DOCK10: variants seen among roughly 807,000 people sequenced by gnomAD.
DOCK10 encodes dedicator of cytokinesis 10.
A neutral mutation model predicts 280.1 loss-of-function variants in DOCK10; 145 were observed. The observed-to-expected ratio is 0.52, with a 90% CI of 0.45 to 0.59. DOCK10 has a LOEUF of 0.59. Ranked by LOEUF, DOCK10 falls within the 20% of genes least tolerant of loss-of-function variation. DOCK10 has a pLI of 0.00. For synonymous variants in DOCK10, 915 were observed against 942.2 expected (o/e 0.97, Z 0.53); for missense variants, 2,368 against 2,651.7 (o/e 0.89, Z 2.35).
chr2:224,870,945 G>C (rs1029018704), intron 11 of DOCK10, among the ~76,000 whole-genome samples: 1 of 148,200 alleles, frequency 6.7e-6, no homozygotes, highest in African/African-American at 2.5e-5. Flanking sequence ...TTCTGCCTCA[G>C]CCTCCTAAGT....
At chr2:224,903,349 A>G (rs1700418931) in intron 3 of DOCK10, among the ~76,000 whole-genome samples, 1 of 152,238 alleles carries the variant, frequency 6.6e-6, no homozygotes, top group Non-Finnish European at 1.5e-5. Flanking sequence ...ATATAATGTC[A>G]TATCAAGGGC....
At chr2:224,846,767 T>C (rs1363788452) in intron 19 of DOCK10, among the ~76,000 whole-genome samples, 2 of 152,172 alleles carry the variant, frequency 1.3e-5, no homozygotes, top group African/African-American at 4.8e-5. Flanking sequence ...AGTGCTGGGA[T>C]TACAGGCATG....
At chr2:224,895,841 G>GTATATATATATA (rs71410338) in intron 4 of DOCK10, among the ~76,000 whole-genome samples, 7 of 136,170 alleles carry the variant, frequency 5.1e-5, no homozygotes, top group African/African-American at 1.9e-4. Flanking sequence ...GCGTGTGTGT[G>GTATATATATATA]TATATATATA....
In DOCK10 at chr2:224,811,692, C is replaced by G. The variant is rs1408736593; in HGVS notation, c.3409+2628G>C. Among the ~76,000 whole-genome samples, 5 of 152,224 alleles carry G rather than the reference C, an allele frequency of 3.3e-5. No homozygotes were observed. The East Asian group carries it at 9.7e-4, about 30-fold the overall frequency. Reference sequence around the variant, plus strand: ...GTGTAAGGAAGGGATCCAGTTTCAGCTTTCTATATATGGCTAGCCAGTTTT... The same window carrying G: ...GTGTAAGGAAGGGATCCAGTTTCAGGTTTCTATATATGGCTAGCCAGTTTT... On this transcript the variant is annotated intron_variant, in intron 31 of 55. Transcript: ENST00000258390.
At chr2:224,905,409 G>A (rs1422965462) in intron 3 of DOCK10, among the ~76,000 whole-genome samples, 4 of 151,804 alleles carry the variant, frequency 2.6e-5, no homozygotes, top group East Asian at 1.9e-4. Flanking sequence ...CACCGCGCCC[G>A]GCTAATTTTT....
rs1705042550 is a variant in DOCK10, at chr2:224,970,868, T to C, written c.124-39200A>G. Among the ~76,000 whole-genome samples the C allele has an allele frequency of 6.6e-6, 1 of 152,240 alleles. No homozygotes were observed. The highest frequency in any genetic ancestry group is 2.4e-5 in the African/African-American group (1 of 41,468). ...GATTTGCTATGCTATTGACATTACT[T>C]TGTATTTTGTAGCTAGCATCTATGT... On this transcript the variant is annotated intron_variant, in intron 1 of 55. Transcript: ENST00000258390. The surrounding 1 kb of genome is among the most constrained non-coding windows in gnomAD (Gnocchi z 4.6).
At chr2:224,975,137 A>G (rs1209772053) in intron 1 of DOCK10, among the ~76,000 whole-genome samples, 1 of 152,078 alleles carries the variant, frequency 6.6e-6, no homozygotes, top group African/African-American at 2.4e-5. Flanking sequence ...TTATCTGAAC[A>G]AGATGATACA....
Position 224,765,597 on chromosome 2 carries a change from C to A in DOCK10, c.*124G>T, listed in dbSNP as rs147754208. 1.6e-6 allele frequency: 1 copy of A among 637,966 alleles called. No homozygotes were observed. The highest frequency in any genetic ancestry group is 3.1e-5 in the East Asian group (1 of 32,526). 39.5% of individuals were successfully genotyped at this position (637,966 alleles called of 1,614,324 possible). On this transcript the variant is annotated 3_prime_UTR_variant, in exon 56 of 56. Coordinates refer to ENST00000258390, the MANE Select transcript of DOCK10 (RefSeq NM_014689.3). ...GAGGTTGGCAAAATTCTGAAGCTAG[C>A]GAGGTAAACAAAAATATTAACACCA...
chr2:224,984,383 C>A (rs1559925872), intron 1 of DOCK10, among the ~76,000 whole-genome samples: 1 of 152,238 alleles, frequency 6.6e-6, no homozygotes, highest in South Asian at 2.1e-4. Flanking sequence ...GATGTTTTGG[C>A]AGATGCCAAA....
intron 1 of DOCK10, among the ~76,000 whole-genome samples, chr2:224,950,113 T>G (rs1163933826): frequency 6.6e-6 from 1 of 152,208 alleles, no homozygotes; most frequent in Non-Finnish European, 1.5e-5. Flanking sequence ...ACAATAGTGC[T>G]TTAGAAAGAT....
chr2:224,797,948 A>G lies in DOCK10; in HGVS notation c.4528T>C (p.Cys1510Arg), dbSNP rs775995155. Residue 1510 changes from cysteine (C) to arginine (R), a missense_variant, in exon 42 of 56, where the codon TGT (cysteine) becomes CGT (arginine). Physicochemically the swap from Cys to Arg is radical, Grantham distance 180. This residue lies in a region of DOCK10 where 1,159 missense variants were observed against 1,400.8 expected (regional missense o/e 0.83). Coordinates refer to ENST00000258390, the MANE Select transcript of DOCK10 (RefSeq NM_014689.3). Reference sequence around the variant, plus strand: ...ACCCTTTTCATCAATGAATTTTGACAGTCACATTGTTGGAGTTGTCTCTGG... The same window carrying G: ...ACCCTTTTCATCAATGAATTTTGACGGTCACATTGTTGGAGTTGTCTCTGG... ...THQRQLQQCD[C>R]QNSLMKRVFD... 3 of 1,613,562 alleles carry G rather than the reference A, an allele frequency of 1.9e-6. No individual in the cohort carries two copies. In the East Asian group the frequency reaches 6.7e-5, roughly 36 times the overall value.
intron 1 of DOCK10, among the ~76,000 whole-genome samples, chr2:224,941,705 G>A (rs1013520973): frequency 5.3e-5 from 8 of 151,932 alleles, no homozygotes; most frequent in African/African-American, 1.2e-4. Flanking sequence ...TTAGCCAGGC[G>A]TGGTGGCATG....
At chr2:224,822,968 C>A (rs190220380) in intron 28 of DOCK10, among the ~76,000 whole-genome samples, 1 of 151,350 alleles carries the variant, frequency 6.6e-6, no homozygotes, top group Admixed American at 6.6e-5. Flanking sequence ...TTTTCTCTAA[C>A]CTTAGTTTTT....
chr2:224,875,003 A>C (rs1231370593), intron 8 of DOCK10, among the ~76,000 whole-genome samples: 1 of 152,292 alleles, frequency 6.6e-6, no homozygotes, highest in East Asian at 1.9e-4. Flanking sequence ...TTGGATTTTT[A>C]CACTACATTT....
At chr2:224,774,184 G>C (rs1690660073) in intron 52 of DOCK10, among the ~76,000 whole-genome samples, 1 of 152,118 alleles carries the variant, frequency 6.6e-6, no homozygotes, top group South Asian at 2.1e-4. Flanking sequence ...TCTCAAAGCG[G>C]GTTACTGATC....
chr2:224,788,800 T>G (rs1396023814), intron 48 of DOCK10, among the ~76,000 whole-genome samples: 2 of 152,180 alleles, frequency 1.3e-5, no homozygotes. Context: ...CCTTATCACC[T>G]TTACCAAAAA....
rs1164712318 is a variant in DOCK10 at position 224,804,861 on chromosome 2, C to T, written c.4119-20G>A. 1.3e-6 allele frequency: 2 copies of T among 1,483,950 alleles called. No homozygotes were observed. Among genetic ancestry groups the T allele is most frequent in the Admixed American group, 5.0e-5 (2 of 40,170 alleles). 91.9% of individuals were successfully genotyped at this position (1,483,950 alleles called of 1,614,324 possible). On this transcript the variant is annotated intron_variant, in intron 37 of 55. Transcript: ENST00000258390. ...CAAACGCTAGAAAGGAGAAAAAAAC[C>T]ACATTTTAATTATTCATATTCTTTT...
chr2:224,800,075 C>T, intron 41 of DOCK10, 76 bp downstream of exon 41: 1 of 807,338 alleles, frequency 1.2e-6, no homozygotes, highest in Non-Finnish European at 2.0e-6. Context: ...TAAAAAAAAC[C>T]ATGTTTTTGA....
chr2:224,784,821 C>G, intron 50 of DOCK10: 1 of 1,239,376 alleles, frequency 8.1e-7, no homozygotes, highest in Non-Finnish European at 1.1e-6. Context: ...TGATTCACTT[C>G]TACCTGCTTT....
Sources: allele counts gnomAD v4.1 joint callset (sites outside exome capture counted in the v4.1 genomes callset), GRCh38; gene constraint gnomAD v4.1.1; regional missense constraint gnomAD v4.1.1; non-coding constraint Gnocchi (gnomAD v3.1); transcripts MANE v1.5; gene names NCBI Gene and HGNC (gene_info 2026-07-23, HGNC 2026-07-21).